Variants in ZNF675 observed in about 807,000 individuals in gnomAD.
ZNF675 encodes the protein TRAF6 inhibitory zinc finger.
In ZNF675, 36 loss-of-function variants were observed where a neutral mutation model predicts 56.1. That is an observed-to-expected ratio of 0.64 (90% confidence interval 0.49 to 0.85). The LOEUF is 0.85. Ranked by LOEUF, ZNF675 falls within the 40% of genes least tolerant of loss-of-function variation. ZNF675 has a pLI of 0.00. For missense variants in ZNF675, 663 were observed against 654.2 expected, an observed-to-expected ratio of 1.01 and a Z score of -0.15; for synonymous variants, 200 against 218.9, an observed-to-expected ratio of 0.91 and a Z score of 0.76.
intron 1 of ZNF675, chr19:23,686,369 C>G (rs1740862726): frequency 6.6e-6 from 1 of 152,080 alleles, no homozygotes. Context: ...TCTTGTTAAC[C>G]AGGCTGGAGT....
Position 23,663,140 on chromosome 19 carries a change from C to T in ZNF675, c.22G>A (p.Asp8Asn). 6.2e-7 allele frequency: 1 copy of T among 1,609,530 alleles called. No individual in the cohort carries two copies. Among genetic ancestry groups the T allele is most frequent in the East Asian group, 2.2e-5 (1 of 44,630 alleles). The change falls in exon 2 of 4, where the codon GAT (aspartate) becomes AAT (asparagine). Residue 8 changes from aspartate to asparagine, a missense_variant. Around this residue, in one of 3 missense-constraint regions of ZNF675, gnomAD observed 33 missense variants for 31.8 expected, o/e 1.04. Transcript: ENST00000359788. ...TCCAGAGAGAATTCTATGGCCACAT[C>T]CCTAAATGTCAACAGTCCCTGAAAA... The part of the protein sequence containing the change: MGLLTFR[D>N]VAIEFSLEEW...
At chr19:23,670,450 G>A (rs918902024) in intron 1 of ZNF675, among the ~76,000 whole-genome samples, 4 of 149,090 alleles carry the variant, frequency 2.7e-5, no homozygotes, top group Non-Finnish European at 5.9e-5. Context: ...ACCCCCCAAA[G>A]GAAAGTTCTA....
chr19:23,664,896 AC>A (rs1968129516), intron 1 of ZNF675, among the ~76,000 whole-genome samples: 1 of 152,136 alleles, frequency 6.6e-6, no homozygotes. Flanking sequence ...TGTTGCAGTA[AC>A]CTCAGGTCGC....
In ZNF675 at chr19:23,687,161, C is replaced by G. The variant is rs1253698255; in HGVS notation, c.-128G>C. ...GCAATGAAAGCGAGACCTGGAGCTC[C>G]GGCTGCAGCGAGAGACAAAGGCGCC... On this transcript the variant is annotated 5_prime_UTR_variant, in exon 1 of 4. Coordinates refer to ENST00000359788, the MANE Select transcript of ZNF675 (RefSeq NM_138330.3). The G allele has an allele frequency of 2.6e-6, 3 of 1,166,782 alleles. No individual in the cohort carries two copies. The African/African-American group carries it at 4.7e-5, about 18-fold the overall frequency. 72.3% of individuals were successfully genotyped at this position (1,166,782 alleles called of 1,614,324 possible). A position where few individuals can be genotyped will look rare whatever the true frequency, so the allele number is the denominator to read the frequency against.
intron 1 of ZNF675, among the ~76,000 whole-genome samples, chr19:23,664,945 C>T (rs374288700): frequency 3.3e-5 from 5 of 151,058 alleles, no homozygotes; most frequent in East Asian, 4.0e-4. Context: ...AGTGAGACTC[C>T]GTCTCAAAAA....
intron 3 of ZNF675, chr19:23,655,388 G>GTAAGCT: frequency 6.5e-6 from 1 of 153,074 alleles, no homozygotes; most frequent in African/African-American, 2.4e-5. Flanking sequence ...TCTGGTGAGG[G>GTAAGCT]TCTCAGGAAG....
At chr19:23,660,460 T>C (rs974186482) in intron 3 of ZNF675, among the ~76,000 whole-genome samples, 1 of 152,196 alleles carries the variant, frequency 6.6e-6, no homozygotes, top group African/African-American at 2.4e-5. Flanking sequence ...GTAGCTCATA[T>C]GATCATATAT....
chr19:23,656,745 G>GAT (rs58569016), intron 3 of ZNF675: 147,816 of 152,170 alleles, frequency 0.97, 71,969 homozygotes, highest in Middle Eastern at 1. Context: ...GTAACAAAAT[G>GAT]GATACTATAT....
intron 1 of ZNF675, 55 bp from the exon 2 acceptor site, chr19:23,663,213 T>A: frequency 6.4e-7 from 1 of 1,565,372 alleles, no homozygotes; most frequent in East Asian, 2.3e-5. Context: ...GAGATTATAA[T>A]TTGACTCAAG....
chr19:23,672,545 G>A (rs118040536), intron 1 of ZNF675, among the ~76,000 whole-genome samples: 185 of 152,268 alleles, frequency 1.2e-3, no homozygotes, highest in Admixed American at 1.6e-3. Context: ...ATTCTCAATC[G>A]AAAGCCTAAC....
intron 3 of ZNF675, among the ~76,000 whole-genome samples, chr19:23,658,109 C>A (rs1968011954): frequency 6.6e-6 from 1 of 152,000 alleles, no homozygotes; most frequent in Admixed American, 6.6e-5. Context: ...CGTCTGTAAT[C>A]CCAGCACATT....
chr19:23,677,949 A>C (rs1400038391), intron 1 of ZNF675, among the ~76,000 whole-genome samples: 1 of 151,178 alleles, frequency 6.6e-6, no homozygotes, highest in African/African-American at 2.5e-5. Context: ...GAGAAACCCC[A>C]TCTCTGCCTA....
intron 1 of ZNF675, among the ~76,000 whole-genome samples, chr19:23,664,402 G>C (rs2144931135): frequency 6.6e-6 from 1 of 151,938 alleles, no homozygotes; most frequent in Admixed American, 6.6e-5. Flanking sequence ...AAGCGATTCA[G>C]GAACCATGAG....
chr19:23,680,269 A>T (rs1968359701), intron 1 of ZNF675, among the ~76,000 whole-genome samples: 1 of 151,576 alleles, frequency 6.6e-6, no homozygotes, highest in Non-Finnish European at 1.5e-5. Context: ...GCACAACTGC[A>T]CTCTAGCCTG....
chr19:23,653,164 A>C lies in ZNF675; in HGVS notation c.*62T>G. 2 of 1,431,386 alleles carry C rather than the reference A, an allele frequency of 1.4e-6. No homozygotes were observed. The highest frequency in any genetic ancestry group is 1.9e-6 in the Non-Finnish European group (2 of 1,061,548). 88.7% of individuals were successfully genotyped at this position (1,431,386 alleles called of 1,614,324 possible). ...TTGACACATTCTTTACATTTCTAGA[A>C]TTTTTCACCAGTATGATTTCCTTTA... is the stretch of plus-strand genomic sequence containing the variant. On this transcript the variant is annotated 3_prime_UTR_variant, in exon 4 of 4. Transcript: ENST00000359788.
chr19:23,675,982 CAA>C lies in ZNF675; in HGVS notation c.3+11047_3+11048del, dbSNP rs34823777. On this transcript the variant is annotated intron_variant, in intron 1 of 3. Transcript: ENST00000359788. ...AGATTAATGAAAAAAAGAGAAGATC[CAA>C]AAAAAAAAAAAACACAATTAGTAAT... Among the ~76,000 whole-genome samples the C allele has an allele frequency of 1.4e-3, 195 of 134,706 alleles. 2 individuals are homozygous for C. The highest frequency in any genetic ancestry group is 3.3e-3 in the African/African-American group (117 of 35,804). 88.4% of individuals were successfully genotyped at this position (134,706 alleles called of 152,430 possible).
intron 1 of ZNF675, among the ~76,000 whole-genome samples, chr19:23,681,575 A>G (rs1212569327): frequency 6.6e-6 from 1 of 151,666 alleles, no homozygotes; most frequent in Non-Finnish European, 1.5e-5. Flanking sequence ...GAGTTTACTG[A>G]ACACCAAGCA....
intron 3 of ZNF675, chr19:23,658,702 G>A (rs1414508879): frequency 1.6e-5 from 2 of 122,778 alleles, no homozygotes; most frequent in East Asian, 2.5e-4. Flanking sequence ...GAAATTTTAC[G>A]TCTTAAATAT....
chr19:23,667,011 G>A (rs888066923), intron 1 of ZNF675, among the ~76,000 whole-genome samples: 2 of 152,138 alleles, frequency 1.3e-5, no homozygotes, highest in South Asian at 2.1e-4. Context: ...CAATGAAGCC[G>A]CGGACCCTCG....
Sources: allele counts gnomAD v4.1 joint callset (sites outside exome capture counted in the v4.1 genomes callset), GRCh38; gene constraint gnomAD v4.1.1; regional missense constraint gnomAD v4.1.1; transcripts MANE v1.5; gene names NCBI Gene and HGNC (gene_info 2026-07-23, HGNC 2026-07-21).